The following SHOC1 variants were observed in gnomAD, a reference collection of about 807,000 sequenced individuals.
The protein encoded by SHOC1 is protein shortage in chiasmata 1 ortholog.
Under a neutral mutation model 179.2 loss-of-function variants are expected in SHOC1, and 136 were observed. The ratio of observed to expected loss-of-function variants is 0.76; its 90% CI spans 0.66 to 0.87. The LOEUF (loss-of-function observed/expected upper bound fraction) is 0.87. SHOC1 is among the 40% of genes least tolerant of loss of function. The pLI is 0.00. For missense variants in SHOC1, 1,538 were observed against 1,700.8 expected, an observed-to-expected ratio of 0.90 and a Z score of 1.68; for synonymous variants, 489 against 586.6, an observed-to-expected ratio of 0.83 and a Z score of 2.41.
chr9:111,729,888 C>A (rs867578819), intron 12 of SHOC1, among the ~76,000 whole-genome samples: 255 of 141,860 alleles, frequency 1.8e-3, no homozygotes, highest in Middle Eastern at 3.7e-3. Context: ...GACTTGGTCT[C>A]AAAAAAAAAA....
At chr9:111,790,197 A>C (rs564748614) in intron 2 of SHOC1, among the ~76,000 whole-genome samples, 1 of 152,308 alleles carries the variant, frequency 6.6e-6, no homozygotes, top group South Asian at 2.1e-4. Flanking sequence ...CTGCCTCATG[A>C]AGTACTTATG....
At chr9:111,794,391 C>G (rs1037267041) in intron 1 of SHOC1, among the ~76,000 whole-genome samples, 1 of 151,754 alleles carries the variant, frequency 6.6e-6, no homozygotes, top group Admixed American at 6.6e-5. Flanking sequence ...CGAGACCAGC[C>G]GGGTCAACAT....
intron 15 of SHOC1, among the ~76,000 whole-genome samples, 194 bp downstream of exon 15, chr9:111,722,215 A>G (rs1833086450): frequency 6.6e-6 from 1 of 152,202 alleles, no homozygotes; most frequent in South Asian, 2.1e-4. Flanking sequence ...AAGTAATGCC[A>G]GGTGATATTT....
intron 27 of SHOC1, among the ~76,000 whole-genome samples, chr9:111,688,210 T>C (rs1831270400): frequency 6.6e-6 from 1 of 152,160 alleles, no homozygotes; most frequent in Admixed American, 6.5e-5. Context: ...ACCAATGTGA[T>C]AGAAACAATG....
chr9:111,746,548 A>G (rs934319169), intron 9 of SHOC1, among the ~76,000 whole-genome samples: 1 of 152,134 alleles, frequency 6.6e-6, no homozygotes, highest in African/African-American at 2.4e-5. Context: ...ACATGCTTGT[A>G]GTCCTAGCTA....
intron 23 of SHOC1, among the ~76,000 whole-genome samples, chr9:111,701,754 ACT>A (rs1231468640): frequency 2.6e-5 from 4 of 152,106 alleles, no homozygotes; most frequent in Non-Finnish European, 5.9e-5. Context: ...AGGTATTTAG[ACT>A]CTTACGTTCG....
intron 17 of SHOC1, among the ~76,000 whole-genome samples, chr9:111,714,082 A>G (rs1344869087): frequency 6.6e-6 from 1 of 152,102 alleles, no homozygotes; most frequent in African/African-American, 2.4e-5. Flanking sequence ...TGGAACAATC[A>G]TGGCTCACTG....
At chr9:111,757,097 T>TA (rs993517581) in intron 7 of SHOC1, among the ~76,000 whole-genome samples, 1 of 152,144 alleles carries the variant, frequency 6.6e-6, no homozygotes, top group Non-Finnish European at 1.5e-5. Context: ...TAAGTTGTCC[T>TA]AAAAAAATGT....
chr9:111,714,598 G>T lies in SHOC1; in HGVS notation c.2262C>A (p.Ile754=). ...ALGYLSKAKD[I]YNSILGPYLG... is the part of the protein sequence containing the mutation. ...AATAGGGGCCTAAAATGCTGTTGTA[G>T]ATATCTTTTGCCTTCGACAAATATC... The change falls in exon 17 of 28, where the codon ATC becomes ATA. Residue 754 remains isoleucine (I), a synonymous_variant. Transcript: ENST00000682961. 6.2e-7 allele frequency: 1 copy of T among 1,612,640 alleles called. No individual in the cohort carries two copies. The highest frequency in any genetic ancestry group is 8.5e-7 in the Non-Finnish European group (1 of 1,179,690).
chr9:111,709,446 A>G (rs1832430487), intron 18 of SHOC1, among the ~76,000 whole-genome samples: 2 of 152,252 alleles, frequency 1.3e-5, no homozygotes, highest in African/African-American at 4.8e-5. Context: ...ACTAGATCTT[A>G]CAAACGCATA....
chr9:111,737,181 A>T (rs7873323), intron 12 of SHOC1, among the ~76,000 whole-genome samples: 4,835 of 152,296 alleles, frequency 0.032, 278 homozygotes, highest in African/African-American at 0.11. Context: ...AAACAGAACT[A>T]CGTTCGACCC....
chr9:111,686,713 A>G lies in SHOC1; in HGVS notation c.*57T>C. 1 of 1,063,476 alleles carries G rather than the reference A, an allele frequency of 9.4e-7. No homozygotes were observed. The highest frequency in any genetic ancestry group is 1.5e-6 in the Non-Finnish European group (1 of 686,634). 65.9% of individuals were successfully genotyped at this position (1,063,476 alleles called of 1,614,324 possible). ...ATGAGCAAATCTAAATAATTGCGCT[A>G]GTGGATTAGCATCAAAAACAGTGGA... On this transcript the variant is annotated 3_prime_UTR_variant, in exon 28 of 28. Transcript: ENST00000682961.
Position 111,758,537 on chromosome 9 carries a change from C to T in SHOC1, c.596+158G>A, listed in dbSNP as rs539475266. Among the ~76,000 whole-genome samples, 134 of 152,170 alleles carry T rather than the reference C, an allele frequency of 8.8e-4. 1 individual carries two copies. The highest frequency in any genetic ancestry group is 3.0e-3 in the African/African-American group (125 of 41,526). On this transcript the variant is annotated intron_variant, in intron 6 of 27. Transcript: ENST00000682961. The stretch of plus-strand genomic sequence containing the variant: ...CCAGGAGGCGGAGGTTGCAGTGAGC[C>T]GAGATTGCGCCATTGTACTCCAGCC...
rs1342653883 is a variant in SHOC1, at chr9:111,723,844, C to T, written c.1902G>A (p.Glu634=). 8.7e-6 allele frequency: 14 copies of T among 1,608,328 alleles called. No homozygotes were observed. In the Admixed American group the frequency reaches 2.3e-4, roughly 27 times the overall value. ...CTGTTCCCCTTTCCTGATTTATTTC[C>T]TCCAGGGTTTTATTAATATGAACAA... ...SPIVHINKTL[E]EINQERGTDS... Residue 634 remains glutamate, a synonymous_variant, in exon 14 of 28, where the codon GAG becomes GAA. Coordinates refer to ENST00000682961, the MANE Select transcript of SHOC1 (RefSeq NM_001378211.1).
At chr9:111,785,156 A>G (rs1313469660) in intron 3 of SHOC1, among the ~76,000 whole-genome samples, 1 of 152,092 alleles carries the variant, frequency 6.6e-6, no homozygotes, top group Non-Finnish European at 1.5e-5. Flanking sequence ...CTTTTCCCCC[A>G]TATTTTTCAT....
At chr9:111,691,475 AT>A (rs1831418165) in intron 27 of SHOC1, 75 bp downstream of exon 27, 11 of 1,408,314 alleles carry the variant, frequency 7.8e-6, no homozygotes, top group Non-Finnish European at 1.0e-5. Context: ...AACAAAAAAA[AT>A]GTTAAATTTG....
intron 19 of SHOC1, among the ~76,000 whole-genome samples, chr9:111,707,218 T>G (rs1376539125): frequency 1.3e-5 from 2 of 152,082 alleles, no homozygotes; most frequent in African/African-American, 2.4e-5. Context: ...TTTAGCTTTC[T>G]TTTCTAATAA....
intron 18 of SHOC1, among the ~76,000 whole-genome samples, chr9:111,709,969 C>T (rs963120322): frequency 9.2e-5 from 14 of 152,112 alleles, no homozygotes; most frequent in African/African-American, 3.4e-4. Flanking sequence ...GAAGGTGTCC[C>T]ACTGAGTAGG....
Position 111,705,307 on chromosome 9 carries a change from A to G in SHOC1, c.2795T>C (p.Val932Ala). Reference protein sequence around the residue: ...GFLLEIQIPYVFFASEGLLNT... With the variant: ...GFLLEIQIPYAFFASEGLLNT... The stretch of plus-strand genomic sequence containing the variant: ...AAGAAGTCCTTCAGATGCAAAAAAC[A>G]CATATGGAATCTGAATTTCCAAAAG... The change falls in exon 21 of 28, where the codon GTG becomes GCG. Residue 932 changes from valine (V) to alanine (A), a missense_variant. Val to Ala is a moderately conservative substitution (Grantham distance 64). Transcript: ENST00000682961. The G allele has an allele frequency of 1.9e-6, 3 of 1,594,538 alleles. No homozygotes were observed. The highest frequency in any genetic ancestry group is 2.6e-6 in the Non-Finnish European group (3 of 1,170,738).
Sources: gnomAD v4.1 joint callset for allele counts (sites outside exome capture counted in the v4.1 genomes callset) on GRCh38, gnomAD v4.1.1 for gene constraint, MANE v1.5 for transcripts, NCBI Gene and HGNC (gene_info 2026-07-23, HGNC 2026-07-21) for gene names.